CLTA: variants seen among roughly 807,000 people sequenced by gnomAD.
CLTA encodes clathrin, light polypeptide (Lca).
A neutral mutation model predicts 26.9 loss-of-function variants in CLTA; 9 were observed. The observed-to-expected ratio is 0.33, with a 90% CI of 0.20 to 0.58. The LOEUF is 0.58. Ranked by LOEUF, CLTA falls within the 20% of genes least tolerant of loss-of-function variation. The pLI, the probability that CLTA is intolerant of heterozygous loss-of-function variation, is 0.85. For synonymous variants in CLTA, 120 were observed against 115.5 expected (o/e 1.04, Z -0.25); for missense variants, 278 against 294.2 (o/e 0.94, Z 0.40).
chr9:36,193,631 T>G (rs532401804), intron 1 of CLTA, among the ~76,000 whole-genome samples: 3 of 152,320 alleles, frequency 2.0e-5, no homozygotes, highest in Non-Finnish European at 4.4e-5. Flanking sequence ...AATTGAGGTT[T>G]TAGGCGGGAG....
At chr9:36,211,183 A>G (rs563177158) in intron 4 of CLTA, among the ~76,000 whole-genome samples, 2 of 152,336 alleles carry the variant, frequency 1.3e-5, no homozygotes, top group South Asian at 2.1e-4. Context: ...CTATTGTGCA[A>G]TGATCTGTGG....
intron 4 of CLTA, chr9:36,209,465 G>C (rs930635286): frequency 1.5e-6 from 1 of 673,236 alleles, no homozygotes; most frequent in African/African-American, 1.8e-5. Flanking sequence ...ATTGATAAGC[G>C]GGGTATGATC....
chr9:36,205,760 T>G (rs1040302486), intron 4 of CLTA, among the ~76,000 whole-genome samples: 3 of 143,542 alleles, frequency 2.1e-5, no homozygotes, highest in Non-Finnish European at 3.1e-5. Context: ...CACCTGTTTT[T>G]TTTTTTTTTT....
chr9:36,191,585 C>T (rs1826724039), intron 1 of CLTA, among the ~76,000 whole-genome samples: 2 of 152,134 alleles, frequency 1.3e-5, no homozygotes, highest in Admixed American at 1.3e-4. Flanking sequence ...GCCTTTAGTC[C>T]GGTCTCTGAA....
In CLTA at chr9:36,191,074, G is replaced by C. The variant is rs780767112; in HGVS notation, c.18G>C (p.Pro6=). 1.3e-6 allele frequency: 2 copies of C among 1,579,446 alleles called. No individual in the cohort carries two copies. The highest frequency in any genetic ancestry group is 1.7e-6 in the Non-Finnish European group (2 of 1,170,650). MAELD[P]FGAPAGAPGG... ...TGCCCGCCATGGCTGAGCTGGATCCGTTCGGCGCCCCTGCCGGCGCCCCTG... is the reference window on the plus strand; with the variant it reads ...TGCCCGCCATGGCTGAGCTGGATCCCTTCGGCGCCCCTGCCGGCGCCCCTG... The change falls in exon 1 of 5, where the codon CCG becomes CCC. Residue 6 remains proline, a synonymous_variant. Coordinates refer to ENST00000345519, the MANE Select transcript of CLTA (RefSeq NM_001833.4).
At chr9:36,205,799 GC>G (rs1252099414) in intron 4 of CLTA, among the ~76,000 whole-genome samples, 5 of 114,182 alleles carry the variant, frequency 4.4e-5, no homozygotes, top group African/African-American at 1.7e-4. Context: ...TTGCTCTGTT[GC>G]CCAGGCTGGA....
At chr9:36,202,104 C>CT (rs1167205482) in intron 3 of CLTA, among the ~76,000 whole-genome samples, 2 of 152,090 alleles carry the variant, frequency 1.3e-5, no homozygotes, top group Non-Finnish European at 2.9e-5. Flanking sequence ...GAGCGAGACC[C>CT]TATCTCAAAT....
chr9:36,209,395 G>C, intron 4 of CLTA: 1 of 1,164,698 alleles, frequency 8.6e-7, no homozygotes, highest in Non-Finnish European at 1.3e-6. Context: ...CTCCTTTTAT[G>C]TCACAAGTTG....
chr9:36,203,336 C>G (rs991338713), intron 3 of CLTA, among the ~76,000 whole-genome samples: 13 of 152,042 alleles, frequency 8.6e-5, no homozygotes, highest in African/African-American at 3.1e-4. Context: ...ACCTCTACCC[C>G]CTGCACTTCT....
At chr9:36,201,863 G>A (rs926905712) in intron 3 of CLTA, among the ~76,000 whole-genome samples, 3 of 152,058 alleles carry the variant, frequency 2.0e-5, no homozygotes, top group Non-Finnish European at 4.4e-5. Flanking sequence ...TGTAATCCCA[G>A]CACTTTAGGA....
chr9:36,191,225 G>C lies in CLTA; in HGVS notation c.169G>C (p.Gly57Arg). 4 of 1,547,360 alleles carry C rather than the reference G, an allele frequency of 2.6e-6. No homozygotes were observed. The highest frequency in any genetic ancestry group is 3.5e-6 in the Non-Finnish European group (4 of 1,150,580). The change falls in exon 1 of 5, where the codon GGC (glycine) becomes CGC (arginine). Residue 57 changes from glycine (G) to arginine (R), a missense_variant. Gly to Arg is a moderately radical substitution (Grantham distance 125). Coordinates refer to ENST00000345519, the MANE Select transcript of CLTA (RefSeq NM_001833.4). The stretch of plus-strand genomic sequence containing the variant: ...CGACGAGGCCTTCGCCATCCTGGAC[G>C]GCGGCGCCCCCGGGCCCCAGCCGCA... ...ENDEAFAILD[G>R]GAPGPQPHGE... is the part of the protein sequence containing the mutation.
chr9:36,207,345 A>G (rs959874617), intron 4 of CLTA, among the ~76,000 whole-genome samples: 2 of 152,246 alleles, frequency 1.3e-5, no homozygotes, highest in Non-Finnish European at 2.9e-5. Flanking sequence ...GCTCATCAAG[A>G]ACAACCCCAG....
chr9:36,197,997 C>CTT (rs11308341), intron 2 of CLTA, among the ~76,000 whole-genome samples: 15,856 of 104,210 alleles, frequency 0.15, 1,508 homozygotes, highest in Non-Finnish European at 0.2. Flanking sequence ...TTATTTGAGT[C>CTT]TTTTTTTTTT....
intron 4 of CLTA, among the ~76,000 whole-genome samples, chr9:36,210,963 C>T (rs1191114935): frequency 1.3e-5 from 2 of 152,230 alleles, no homozygotes; most frequent in Non-Finnish European, 2.9e-5. Flanking sequence ...AAAAGCAACT[C>T]ACGTTGGCTC....
At chr9:36,209,987 C>A (rs1000560907) in intron 4 of CLTA, among the ~76,000 whole-genome samples, 3 of 152,232 alleles carry the variant, frequency 2.0e-5, no homozygotes, top group Non-Finnish European at 4.4e-5. Context: ...GCTTTGAGAT[C>A]AGGATAGTCA....
intron 4 of CLTA, chr9:36,210,500 T>A (rs1827979021): frequency 1.3e-6 from 2 of 1,492,038 alleles, no homozygotes; most frequent in Non-Finnish European, 1.8e-6. Flanking sequence ...CAGCTGCACG[T>A]CCCCAAGCAC....
chr9:36,196,350 T>TA (rs1827041813), intron 1 of CLTA, among the ~76,000 whole-genome samples: 1 of 149,934 alleles, frequency 6.7e-6, no homozygotes, highest in African/African-American at 2.4e-5. Flanking sequence ...TTCTTTTTTT[T>TA]TTTTTTTATT....
At chr9:36,210,553 A>G in intron 4 of CLTA, 3 of 1,610,954 alleles carry the variant, frequency 1.9e-6, no homozygotes, top group South Asian at 1.1e-5. Context: ...GACCATCTGC[A>G]TTGAGCTCAT....
rs111828732 is a variant in CLTA, at chr9:36,204,188, G to A, written c.485+9G>A. The A allele has an allele frequency of 1.1e-4, 182 of 1,609,762 alleles. No individual in the cohort carries two copies. Among genetic ancestry groups the A allele is most frequent in the Admixed American group, 1.7e-4 (10 of 59,418 alleles). On this transcript the variant is annotated intron_variant, in intron 4 of 4. Coordinates refer to ENST00000345519, the MANE Select transcript of CLTA (RefSeq NM_001833.4). ...ACAAAAGCAAACAACAGGTCAGTCC[G>A]TGGTGGTTGTAGCACACTTTGTTTT...
Sources: allele counts gnomAD v4.1 joint callset (sites outside exome capture counted in the v4.1 genomes callset), GRCh38; gene constraint gnomAD v4.1.1; transcripts MANE v1.5; gene names NCBI Gene and HGNC (gene_info 2026-07-23, HGNC 2026-07-21).